The following NOL4 variants were observed in gnomAD, a reference collection of about 807,000 sequenced individuals.
NOL4 encodes the protein nucleolar protein 4.
A neutral mutation model predicts 75.9 loss-of-function variants in NOL4; 17 were observed. The observed-to-expected ratio is 0.22, with a 90% CI of 0.15 to 0.34. The LOEUF (loss-of-function observed/expected upper bound fraction) is 0.34. NOL4 is among the 10% of genes least tolerant of loss of function. The pLI is 1.00. For synonymous variants in NOL4, 292 were observed against 289.9 expected (o/e 1.01, Z -0.07); for missense variants, 614 against 793.5 (o/e 0.77, Z 2.72).
At chr18:34,135,697 CAAAA>C (rs371169726) in intron 1 of NOL4, among the ~76,000 whole-genome samples, 3 of 57,354 alleles carry the variant, frequency 5.2e-5, no homozygotes, top group East Asian at 1.1e-3. Context: ...GACTCCATCT[CAAAA>C]AAAAAAAAAA....
chr18:33,994,993 A>G (rs531767929), intron 6 of NOL4, among the ~76,000 whole-genome samples: 1 of 151,722 alleles, frequency 6.6e-6, no homozygotes, highest in African/African-American at 2.4e-5. Flanking sequence ...ACTATGAACA[A>G]TTAAATGCCA....
chr18:33,961,305 AGT>A (rs946458573), intron 6 of NOL4, among the ~76,000 whole-genome samples: 2 of 151,952 alleles, frequency 1.3e-5, no homozygotes, highest in Non-Finnish European at 2.9e-5. Context: ...TGTTCTTCAC[AGT>A]GTGTGTGTAG....
At chr18:34,039,950 A>G (rs2076069019) in intron 5 of NOL4, among the ~76,000 whole-genome samples, 1 of 152,014 alleles carries the variant, frequency 6.6e-6, no homozygotes, top group Admixed American at 6.6e-5. Context: ...TTTGTGTTAG[A>G]TAACTCCATC....
intron 1 of NOL4, among the ~76,000 whole-genome samples, chr18:34,159,619 T>C (rs1446213604): frequency 6.6e-6 from 1 of 152,086 alleles, no homozygotes; most frequent in African/African-American, 2.4e-5. Context: ...CCATCCCGCC[T>C]CGCCGGAGGG....
intron 10 of NOL4, among the ~76,000 whole-genome samples, chr18:33,875,000 T>C (rs1015554918): frequency 6.6e-6 from 1 of 152,048 alleles, no homozygotes; most frequent in Non-Finnish European, 1.5e-5. Flanking sequence ...TTAGTGATTA[T>C]GGTCATTATT....
chr18:33,965,121 CCA>C (rs1234812704), intron 6 of NOL4, among the ~76,000 whole-genome samples: 4 of 152,028 alleles, frequency 2.6e-5, no homozygotes, highest in African/African-American at 9.7e-5. Context: ...AACAAAATAT[CCA>C]CACTTGTTAG....
chr18:34,224,401 C>G lies in NOL4; in HGVS notation c.-1148G>C, dbSNP rs893397954. 6.6e-6 allele frequency: 1 copy of G among 152,322 alleles called. No individual in the cohort carries two copies. Among genetic ancestry groups the G allele is most frequent in the Non-Finnish European group, 1.5e-5 (1 of 68,172 alleles). 9.4% of individuals were successfully genotyped at this position (152,322 alleles called of 1,614,324 possible). A position where few individuals can be genotyped will look rare whatever the true frequency, so the allele number is the denominator to read the frequency against. The stretch of plus-strand genomic sequence containing the variant: ...ACACCCCCTCCACTGCTCTGAGTAG[C>G]CAAATATGAGTTCCTCTGGACTATT... On this transcript the variant is annotated 5_prime_UTR_variant, in exon 1 of 11. Coordinates refer to ENST00000261592, the MANE Select transcript of NOL4 (RefSeq NM_003787.5).
chr18:34,041,501 T>C (rs2076139162), intron 5 of NOL4, among the ~76,000 whole-genome samples: 1 of 136,930 alleles, frequency 7.3e-6, no homozygotes, highest in Non-Finnish European at 1.6e-5. Flanking sequence ...GGGGACCTTA[T>C]TAGCTAAAAT....
intron 1 of NOL4, among the ~76,000 whole-genome samples, chr18:34,206,387 G>A (rs1276519416): frequency 6.6e-6 from 1 of 152,012 alleles, no homozygotes; most frequent in East Asian, 1.9e-4. Context: ...AGATATCCTT[G>A]TAATATCATA....
At chr18:33,987,926 A>G (rs1016815749) in intron 6 of NOL4, among the ~76,000 whole-genome samples, 1 of 152,054 alleles carries the variant, frequency 6.6e-6, no homozygotes, top group Non-Finnish European at 1.5e-5. Flanking sequence ...TGGTGAAGTG[A>G]AAGCACCCTC....
intron 5 of NOL4, among the ~76,000 whole-genome samples, chr18:34,052,635 G>A (rs1307971226): frequency 6.6e-6 from 1 of 152,034 alleles, no homozygotes; most frequent in African/African-American, 2.4e-5. Flanking sequence ...ATTAGGAATA[G>A]ACAGAAAAAT....
chr18:33,985,456 T>C (rs928494962), intron 6 of NOL4, among the ~76,000 whole-genome samples: 11 of 152,178 alleles, frequency 7.2e-5, no homozygotes, highest in Non-Finnish European at 1.3e-4. Flanking sequence ...TTTTCAATCC[T>C]ATACAAATTA....
rs145142648 is a variant in NOL4, at chr18:34,073,474, C to T, written c.772+19991G>A. Reference sequence around the variant, plus strand: ...CATACTCCAGTATACTTTAAATCATCTCTAGCTTACTTAAACTGCCTAATA... The same window carrying T: ...CATACTCCAGTATACTTTAAATCATTTCTAGCTTACTTAAACTGCCTAATA... On this transcript the variant is annotated intron_variant, in intron 5 of 10. Transcript: ENST00000261592. Among the ~76,000 whole-genome samples the T allele has an allele frequency of 4.4e-3, 666 of 152,064 alleles. 6 individuals carry two copies. The highest frequency in any genetic ancestry group is 0.015 in the African/African-American group (629 of 41,536).
intron 5 of NOL4, among the ~76,000 whole-genome samples, chr18:34,057,378 T>A (rs1227959986): frequency 6.6e-6 from 1 of 152,168 alleles, no homozygotes; most frequent in East Asian, 1.9e-4. Flanking sequence ...AACTATGCGG[T>A]TTCTGTTTAC....
chr18:34,160,296 C>T (rs1404499658), intron 1 of NOL4, among the ~76,000 whole-genome samples: 2 of 152,062 alleles, frequency 1.3e-5, no homozygotes, highest in Non-Finnish European at 2.9e-5. Flanking sequence ...ACCTATCCTC[C>T]TCTTGAATAA....
intron 5 of NOL4, among the ~76,000 whole-genome samples, chr18:34,026,711 AATTC>A (rs2075360689): frequency 6.6e-6 from 1 of 152,178 alleles, no homozygotes; most frequent in African/African-American, 2.4e-5. Flanking sequence ...AAATAATATA[AATTC>A]ATTATTTGAT....
At chr18:34,121,953 A>C (rs2080161948) in intron 2 of NOL4, among the ~76,000 whole-genome samples, 1 of 152,314 alleles carries the variant, frequency 6.6e-6, no homozygotes, top group African/African-American at 2.4e-5. Context: ...ATATAGCCCA[A>C]TTGAGAGATA....
intron 5 of NOL4, among the ~76,000 whole-genome samples, chr18:34,026,607 C>G (rs981005163): frequency 6.6e-6 from 1 of 152,142 alleles, no homozygotes; most frequent in African/African-American, 2.4e-5. Context: ...CCAGATGGAT[C>G]CCAATCCCAA....
intron 8 of NOL4, among the ~76,000 whole-genome samples, chr18:33,944,577 G>A (rs556836631): frequency 1.3e-5 from 2 of 151,874 alleles, no homozygotes; most frequent in East Asian, 1.9e-4. Flanking sequence ...AACCCCATGG[G>A]ACATCTCAAA....
Sources: gnomAD v4.1 joint callset for allele counts (sites outside exome capture counted in the v4.1 genomes callset) on GRCh38, gnomAD v4.1.1 for gene constraint, MANE v1.5 for transcripts, NCBI Gene and HGNC (gene_info 2026-07-23, HGNC 2026-07-21) for gene names.